Variants in GNAQ observed in about 807,000 individuals in gnomAD.
GNAQ encodes guanine nucleotide-binding protein G(q) subunit alpha.
In GNAQ, 8 loss-of-function variants were observed where a neutral mutation model predicts 43.9. The ratio of observed to expected loss-of-function variants is 0.18; its 90% CI spans 0.11 to 0.33. GNAQ has a LOEUF of 0.33. Ranked by LOEUF, GNAQ falls within the 10% of genes least tolerant of loss-of-function variation. The pLI, the probability that GNAQ is intolerant of heterozygous loss-of-function variation, is 1.00. For synonymous variants in GNAQ, 155 were observed against 170.7 expected (o/e 0.91, Z 0.71); for missense variants, 158 against 450.8 (o/e 0.35, Z 5.88).
intron 3 of GNAQ, among the ~76,000 whole-genome samples, chr9:77,811,228 G>A (rs1414638126): frequency 6.6e-6 from 1 of 152,028 alleles, no homozygotes; most frequent in Non-Finnish European, 1.5e-5. Context: ...GAATATTTCT[G>A]TAAGGTGATA....
In GNAQ at chr9:77,716,806, G is replaced by A. The variant is rs1167299046; in HGVS notation, c.*4517C>T. On this transcript the variant is annotated 3_prime_UTR_variant, in exon 7 of 7. Transcript: ENST00000286548. ...CATACGGGGAAATGGAGGACACAGG[G>A]TAGATAAGGAAGGCAAGGAGGAAAT... 1 of 232,892 alleles carries A rather than the reference G, an allele frequency of 4.3e-6. No homozygotes were observed. Among genetic ancestry groups the A allele is most frequent in the Non-Finnish European group, 8.5e-6 (1 of 117,866 alleles). The allele number at this position is 232,892 out of a possible 1,614,324, so 14.4% of individuals were successfully genotyped here. A position where few individuals can be genotyped will look rare whatever the true frequency, so the allele number is the denominator to read the frequency against.
intron 1 of GNAQ, among the ~76,000 whole-genome samples, chr9:77,946,512 G>T (rs148693956): frequency 6.9e-4 from 105 of 152,338 alleles, no homozygotes; most frequent in African/African-American, 2.3e-3. Context: ...GCACTAGTCA[G>T]TCAGTGCCTG....
At chr9:78,026,317 T>G (rs1348999658) in intron 1 of GNAQ, among the ~76,000 whole-genome samples, 1 of 152,158 alleles carries the variant, frequency 6.6e-6, no homozygotes, top group East Asian at 1.9e-4. Context: ...AAAAACTTAT[T>G]CCGAAGGCTT....
intron 2 of GNAQ, among the ~76,000 whole-genome samples, chr9:77,856,935 G>A (rs1159374719): frequency 2.0e-5 from 3 of 152,156 alleles, no homozygotes. Flanking sequence ...TAAAGAGGGT[G>A]GAAATAGTCT....
At chr9:77,905,387 T>C (rs963001998) in intron 2 of GNAQ, among the ~76,000 whole-genome samples, 2 of 152,114 alleles carry the variant, frequency 1.3e-5, no homozygotes, top group Non-Finnish European at 2.9e-5. Context: ...TGGATTAGAG[T>C]CTCTGGTGGC....
intron 5 of GNAQ, among the ~76,000 whole-genome samples, chr9:77,778,499 A>C (rs984766256): frequency 6.6e-6 from 1 of 151,954 alleles, no homozygotes; most frequent in Admixed American, 6.6e-5. Context: ...AAGAGGCAGA[A>C]AGAGAGTGGA....
chr9:78,006,716 A>T (rs573217115), intron 1 of GNAQ, among the ~76,000 whole-genome samples: 8 of 152,208 alleles, frequency 5.3e-5, no homozygotes, highest in Non-Finnish European at 1.0e-4. Flanking sequence ...ATGTGTGTTT[A>T]GAACTGTCTA....
chr9:77,826,015 A>C (rs1361948975), intron 2 of GNAQ, among the ~76,000 whole-genome samples: 2 of 152,184 alleles, frequency 1.3e-5, no homozygotes, highest in Non-Finnish European at 2.9e-5. Flanking sequence ...AACACACCCC[A>C]AAAACAGATG....
chr9:77,910,133 A>G (rs187341382), intron 2 of GNAQ, among the ~76,000 whole-genome samples: 1 of 152,202 alleles, frequency 6.6e-6, no homozygotes, highest in Non-Finnish European at 1.5e-5. Context: ...ATTAAAATGA[A>G]GGAAACTATT....
At chr9:77,735,029 C>T (rs766670198) in intron 5 of GNAQ, among the ~76,000 whole-genome samples, 1 of 152,072 alleles carries the variant, frequency 6.6e-6, no homozygotes, top group Non-Finnish European at 1.5e-5. Context: ...CTGTACATGA[C>T]GAAACACGCT....
chr9:77,841,100 C>CA (rs1827482731), intron 2 of GNAQ, among the ~76,000 whole-genome samples: 1 of 151,954 alleles, frequency 6.6e-6, no homozygotes, highest in Non-Finnish European at 1.5e-5. Context: ...AACAAACAAA[C>CA]AAAAAAACCC....
chr9:77,761,703 A>T (rs371635462), intron 5 of GNAQ, among the ~76,000 whole-genome samples: 413 of 20,534 alleles, frequency 0.02, no homozygotes, highest in Non-Finnish European at 0.028. Flanking sequence ...CGGCCAGCCG[A>T]CCCGTCTGGG....
intron 1 of GNAQ, among the ~76,000 whole-genome samples, chr9:78,020,707 A>C (rs1823898187): frequency 6.6e-6 from 1 of 152,134 alleles, no homozygotes; most frequent in Non-Finnish European, 1.5e-5. Context: ...CAGCAAAGAC[A>C]CAATGGCGCT....
chr9:77,844,717 G>A (rs1016487387), intron 2 of GNAQ, among the ~76,000 whole-genome samples: 3 of 151,958 alleles, frequency 2.0e-5, no homozygotes, highest in Non-Finnish European at 2.9e-5. Context: ...TTGTCACTGA[G>A]GCTGGAGTGC....
intron 1 of GNAQ, among the ~76,000 whole-genome samples, chr9:77,947,067 C>A (rs568429493): frequency 2.0e-4 from 31 of 152,264 alleles, no homozygotes; most frequent in Non-Finnish European, 3.4e-4. Flanking sequence ...AGGCTTTTTA[C>A]TTCCCTTTCC....
intron 3 of GNAQ, among the ~76,000 whole-genome samples, chr9:77,800,027 G>A (rs778298390): frequency 1.8e-4 from 28 of 152,156 alleles, no homozygotes; most frequent in Admixed American, 3.3e-4. Flanking sequence ...AGAGTTAGAC[G>A]AGCCCATGTT....
chr9:77,781,011 A>G (rs907673991), intron 5 of GNAQ, among the ~76,000 whole-genome samples: 1 of 144,714 alleles, frequency 6.9e-6, no homozygotes, highest in Admixed American at 7.0e-5. Flanking sequence ...CTAGATATAT[A>G]TTAACCCCCT....
rs560392597 is a variant in GNAQ at position 77,725,163 on chromosome 9, T to G, written c.889+3351A>C. Among the ~76,000 whole-genome samples the G allele has an allele frequency of 4.6e-5, 7 of 152,204 alleles. No individual in the cohort carries two copies. The East Asian group carries it at 1.4e-3, about 29-fold the overall frequency. On this transcript the variant is annotated intron_variant, in intron 6 of 6. Coordinates refer to ENST00000286548, the MANE Select transcript of GNAQ (RefSeq NM_002072.5). ...TGAAGTGTACTTGAAAAGTGTTATG[T>G]TTTTAAGCATAAATTGTTATCTGAA...
intron 5 of GNAQ, among the ~76,000 whole-genome samples, chr9:77,737,983 C>CT (rs1201936725): frequency 2.0e-5 from 3 of 152,080 alleles, no homozygotes; most frequent in South Asian, 2.1e-4. Context: ...AGTGACTCTT[C>CT]TTTTTTTTGA....
Sources: gnomAD v4.1 joint callset for allele counts (sites outside exome capture counted in the v4.1 genomes callset) on GRCh38, gnomAD v4.1.1 for gene constraint, MANE v1.5 for transcripts, NCBI Gene and HGNC (gene_info 2026-07-23, HGNC 2026-07-21) for gene names.